ABCC9: variants seen among roughly 807,000 people sequenced by gnomAD.
The protein encoded by ABCC9 is ATP-binding cassette sub-family C member 9.
A neutral mutation model predicts 188.3 loss-of-function variants in ABCC9; 95 were observed. That is an observed-to-expected ratio of 0.50 (90% CI 0.43 to 0.60). The LOEUF (loss-of-function observed/expected upper bound fraction) is 0.60, where lower values mean the gene tolerates loss of function less well. Among genes scored for constraint, ABCC9 ranks in the 20% least tolerant of loss-of-function variants. ABCC9 has a pLI of 0.00. For missense variants in ABCC9, 1,102 were observed against 1,876.3 expected, an observed-to-expected ratio of 0.59 and a Z score of 7.62; for synonymous variants, 659 against 652.7, an observed-to-expected ratio of 1.01 and a Z score of -0.15.
At chr12:21,866,189 T>C (rs1945768893) in intron 18 of ABCC9, among the ~76,000 whole-genome samples, 3 of 151,676 alleles carry the variant, frequency 2.0e-5, no homozygotes, top group African/African-American at 7.3e-5. Flanking sequence ...GGCAATGAAC[T>C]TAAAAAGTAA....
intron 33 of ABCC9, 148 bp downstream of exon 33, chr12:21,817,039 T>G: frequency 1.3e-6 from 1 of 798,702 alleles, no homozygotes; most frequent in East Asian, 2.7e-5. Context: ...TCTTTTCCGG[T>G]GTACATAATC....
In ABCC9 at chr12:21,895,464, A is replaced by G. The variant is rs1170555501; in HGVS notation, c.1619-149T>C. 1.0e-5 allele frequency: 7 copies of G among 690,822 alleles called. No homozygotes were observed. The Admixed American group carries it at 1.6e-4, about 16-fold the overall frequency. 42.8% of individuals were successfully genotyped at this position (690,822 alleles called of 1,614,324 possible). Reference sequence around the variant, plus strand: ...TTTTGTCTGGAGTCCACAAACATTTACCAGTTAATATCTACTTGTGTGCAG... The same window carrying G: ...TTTTGTCTGGAGTCCACAAACATTTGCCAGTTAATATCTACTTGTGTGCAG... On this transcript the variant is annotated intron_variant, in intron 12 of 39. Coordinates refer to ENST00000261200, the MANE Select transcript of ABCC9 (RefSeq NM_020297.4).
At chr12:21,934,991 T>C (rs963889177) in intron 3 of ABCC9, among the ~76,000 whole-genome samples, 2 of 152,134 alleles carry the variant, frequency 1.3e-5, no homozygotes, top group Non-Finnish European at 2.9e-5. Context: ...TAGTACCTGA[T>C]AGTTTTTAAG....
intron 28 of ABCC9, among the ~76,000 whole-genome samples, chr12:21,843,030 CT>C (rs1345848784): frequency 2.0e-5 from 3 of 152,022 alleles, no homozygotes; most frequent in African/African-American, 7.2e-5. Context: ...ACCTTTGGTG[CT>C]TTTAGCTCAA....
In ABCC9 at chr12:21,894,029, T is replaced by C; in HGVS notation, c.1802+3A>G. 6.2e-7 allele frequency: 1 copy of C among 1,613,980 alleles called. No individual in the cohort carries two copies. Among genetic ancestry groups the C allele is most frequent in the Non-Finnish European group, 8.5e-7 (1 of 1,179,978 alleles). On this transcript the variant is annotated splice_donor_region_variant and intron_variant, in intron 14 of 39. Transcript: ENST00000261200. ...AAAAAATGCCAGACACTTCAGTGCA[T>C]ACCTTATGATGGCTTTGACTGCAAA... is the stretch of plus-strand genomic sequence containing the variant.
intron 28 of ABCC9, among the ~76,000 whole-genome samples, chr12:21,843,945 G>A (rs1315397649): frequency 1.3e-5 from 2 of 152,172 alleles, no homozygotes; most frequent in African/African-American, 2.4e-5. Context: ...CACTTATAGA[G>A]TGATATAATT....
At chr12:21,812,764 G>A (rs534666509) in intron 35 of ABCC9, among the ~76,000 whole-genome samples, 1 of 151,938 alleles carries the variant, frequency 6.6e-6, no homozygotes, top group South Asian at 2.1e-4. Flanking sequence ...TGGGTTGATG[G>A]GTGCAGCAAA....
At chr12:21,854,311 T>C (rs1425763582) in intron 22 of ABCC9, among the ~76,000 whole-genome samples, 1 of 152,232 alleles carries the variant, frequency 6.6e-6, no homozygotes, top group East Asian at 1.9e-4. Flanking sequence ...ATAGAAACTA[T>C]AAGAAATTTG....
At chr12:21,846,661 T>C (rs534274734) in intron 25 of ABCC9, among the ~76,000 whole-genome samples, 1 of 152,296 alleles carries the variant, frequency 6.6e-6, no homozygotes, top group East Asian at 1.9e-4. Flanking sequence ...TTGAGCTGGA[T>C]GCAGTAAATG....
intron 25 of ABCC9, among the ~76,000 whole-genome samples, chr12:21,846,761 C>A (rs1255013116): frequency 6.6e-6 from 1 of 152,072 alleles, no homozygotes; most frequent in African/African-American, 2.4e-5. Flanking sequence ...AAGAGGTGGA[C>A]ACTTGCACTT....
intron 25 of ABCC9, among the ~76,000 whole-genome samples, chr12:21,847,460 T>C (rs1944732795): frequency 7.0e-6 from 1 of 142,490 alleles, no homozygotes; most frequent in Non-Finnish European, 1.5e-5. Context: ...ATTTTCTCTG[T>C]TTTTTTTAAT....
intron 5 of ABCC9, among the ~76,000 whole-genome samples, chr12:21,921,956 C>T (rs1169958028): frequency 3.9e-5 from 6 of 151,934 alleles, no homozygotes; most frequent in Non-Finnish European, 7.4e-5. Flanking sequence ...CAGTACCATG[C>T]CATTTTGATT....
At chr12:21,804,953 C>G (rs1269746274) in intron 39 of ABCC9, among the ~76,000 whole-genome samples, 1 of 152,214 alleles carries the variant, frequency 6.6e-6, no homozygotes, top group African/African-American at 2.4e-5. Flanking sequence ...CATAAATACT[C>G]TCTTTTGCAT....
intron 39 of ABCC9, among the ~76,000 whole-genome samples, chr12:21,803,653 C>CT (rs1941638245): frequency 8.2e-6 from 1 of 122,488 alleles, no homozygotes; most frequent in African/African-American, 3.1e-5. Context: ...GAAACTCTGT[C>CT]TCCAAAAAAA....
In ABCC9 at chr12:21,882,804, G is replaced by A. The variant is rs199499109; in HGVS notation, c.1981C>T (p.Arg661Cys). 1.9e-5 allele frequency: 31 copies of A among 1,613,892 alleles called. No individual in the cohort carries two copies. The highest frequency in any genetic ancestry group is 3.3e-4 in the Middle Eastern group (2 of 6,060). ...TCCTCTGTTTCTGCGGGACGTAGAC[G>A]CCGTGTTGATTGCTCATAGCTGTCC... ...HLDSYEQSTR[R>C]LRPAETEDIA... The change falls in exon 16 of 40, where the codon CGT becomes TGT. Residue 661 changes from arginine (R) to cysteine (C), a missense_variant. By Grantham distance (180) the Arg-to-Cys change is radical (BLOSUM62 -3). Coordinates refer to ENST00000261200, the MANE Select transcript of ABCC9 (RefSeq NM_020297.4).
chr12:21,923,342 A>G (rs1373678889), intron 5 of ABCC9: 1 of 150,772 alleles, frequency 6.6e-6, no homozygotes, highest in Non-Finnish European at 1.5e-5. Flanking sequence ...TATTAAATAA[A>G]TGAATATGTA....
rs376175953 is a variant in ABCC9, at chr12:21,849,528, T to A, written c.2770-1282A>T. Among the ~76,000 whole-genome samples, 29 of 152,260 alleles carry A rather than the reference T, an allele frequency of 1.9e-4. 2 individuals are homozygous for A. The highest frequency in any genetic ancestry group is 7.0e-4 in the African/African-American group (29 of 41,552). ...AATGAAATAAAATAAACCTTCATAA[T>A]GAAAAGTAGATTTGATTCCAGTTCG... On this transcript the variant is annotated intron_variant, in intron 24 of 39. Transcript: ENST00000261200.
At chr12:21,861,339 T>A (rs1039145378) in intron 20 of ABCC9, among the ~76,000 whole-genome samples, 2 of 151,864 alleles carry the variant, frequency 1.3e-5, no homozygotes, top group Non-Finnish European at 2.9e-5. Context: ...CAAGTGATTC[T>A]CCCGCCTCAG....
At chr12:21,817,344 TTAAAG>T (rs747751195) in intron 32 of ABCC9, 37 bp from the exon 33 acceptor site, 16 of 1,606,896 alleles carry the variant, frequency 1.0e-5, no homozygotes, top group South Asian at 8.8e-5. Flanking sequence ...TTTAAATAAA[TTAAAG>T]TAAGAAGTTG....
Sources: allele counts gnomAD v4.1 joint callset (sites outside exome capture counted in the v4.1 genomes callset), GRCh38; gene constraint gnomAD v4.1.1; transcripts MANE v1.5; gene names NCBI Gene and HGNC (gene_info 2026-07-23, HGNC 2026-07-21).